Variants in TMTC4 observed in about 807,000 individuals in gnomAD.
TMTC4 encodes the protein protein O-mannosyl-transferase TMTC4.
In TMTC4, 65 loss-of-function variants were observed where a neutral mutation model predicts 86.0. The ratio of observed to expected loss-of-function variants is 0.76; its 90% CI spans 0.62 to 0.93. The LOEUF is 0.93. Ranked by LOEUF, TMTC4 falls within the 40% of genes least tolerant of loss-of-function variation. The pLI, the probability that TMTC4 is intolerant of heterozygous loss-of-function variation, is 0.00. For missense variants in TMTC4, 866 were observed against 948.1 expected (o/e 0.91, Z 1.14); for synonymous variants, 379 against 382.5 (o/e 0.99, Z 0.11).
chr13:100,649,122 T>C (rs756427314), intron 6 of TMTC4, among the ~76,000 whole-genome samples: 4 of 152,218 alleles, frequency 2.6e-5, no homozygotes, highest in African/African-American at 7.2e-5. Context: ...TCTTTATATA[T>C]ATGCAGTATA....
chr13:100,659,301 T>C (rs1885483503), intron 5 of TMTC4, among the ~76,000 whole-genome samples: 1 of 152,220 alleles, frequency 6.6e-6, no homozygotes, highest in Non-Finnish European at 1.5e-5. Context: ...AGGGTCTCAC[T>C]CTGTTTTCCA....
At chr13:100,635,445 C>A (rs1339651885) in intron 10 of TMTC4, among the ~76,000 whole-genome samples, 1 of 152,088 alleles carries the variant, frequency 6.6e-6, no homozygotes, top group African/African-American at 2.4e-5. Flanking sequence ...CCATACAATT[C>A]GTATGGAGAA....
chr13:100,651,455 A>G (rs570639520), intron 6 of TMTC4, among the ~76,000 whole-genome samples: 2 of 150,072 alleles, frequency 1.3e-5, no homozygotes, highest in South Asian at 4.2e-4. Flanking sequence ...CTTTTAAAAA[A>G]TTCTGTTGCA....
rs554619080 is a variant in TMTC4, at chr13:100,662,947, G to A, written c.552+17C>T. ...CTTCTCACGTGCATACAGATGCCTC[G>A]GGCAGACGACACTTACACACTCGGT... is the stretch of plus-strand genomic sequence containing the variant. On this transcript the variant is annotated intron_variant, in intron 5 of 18. Coordinates refer to ENST00000342624, the MANE Select transcript of TMTC4 (RefSeq NM_032813.5). The A allele has an allele frequency of 7.4e-6, 12 of 1,612,538 alleles. No homozygotes were observed. The highest frequency in any genetic ancestry group is 2.2e-5 in the South Asian group (2 of 90,838).
chr13:100,625,706 A>C (rs372144225), intron 14 of TMTC4, 30 bp from the exon 15 acceptor site: 1 of 1,611,674 alleles, frequency 6.2e-7, no homozygotes, highest in Non-Finnish European at 8.5e-7. Flanking sequence ...AAAGATAAAC[A>C]AGAAGATGAA....
chr13:100,654,955 C>T (rs1175500735), intron 6 of TMTC4, among the ~76,000 whole-genome samples: 4 of 150,274 alleles, frequency 2.7e-5, no homozygotes, highest in Non-Finnish European at 4.4e-5. Context: ...ATTATGTTAA[C>T]ATCAATAAAA....
chr13:100,647,649 T>G (rs533303994), intron 6 of TMTC4, among the ~76,000 whole-genome samples: 1 of 152,326 alleles, frequency 6.6e-6, no homozygotes, highest in South Asian at 2.1e-4. Flanking sequence ...CCCATGGACT[T>G]TGAAAAGAAA....
chr13:100,634,971 T>G lies in TMTC4; in HGVS notation c.1375-35A>C, dbSNP rs200047896. ...AGAAAGACATGGTAATTGTCACCAG[T>G]GAGATGCATCCGGTCATTCTGTTCA... is the stretch of plus-strand genomic sequence containing the variant. On this transcript the variant is annotated intron_variant, in intron 11 of 18. Transcript: ENST00000342624. 3.4e-5 allele frequency: 55 copies of G among 1,610,618 alleles called. No individual in the cohort carries two copies. In the East Asian group the frequency reaches 1.2e-3, roughly 34 times the overall value.
At chr13:100,663,296 T>A in intron 4 of TMTC4, 116 bp from the exon 5 acceptor site, 1 of 868,202 alleles carries the variant, frequency 1.2e-6, no homozygotes, top group Non-Finnish European at 1.8e-6. Context: ...CGGAAGACTT[T>A]GTGCCAGCTT....
chr13:100,660,109 T>C (rs1165896650), intron 5 of TMTC4, among the ~76,000 whole-genome samples: 1 of 151,528 alleles, frequency 6.6e-6, no homozygotes, highest in South Asian at 2.1e-4. Flanking sequence ...GGCAGGTGGA[T>C]CACTTGGGGC....
At chr13:100,625,720 C>T in intron 14 of TMTC4, 44 bp from the exon 15 acceptor site, 4 of 1,610,384 alleles carry the variant, frequency 2.5e-6, no homozygotes, top group Non-Finnish European at 3.4e-6. Context: ...AGATGAAAGG[C>T]TTAGATGCCG....
intron 15 of TMTC4, chr13:100,624,896 G>C (rs1880210390): frequency 6.6e-6 from 1 of 152,316 alleles, no homozygotes; most frequent in Non-Finnish European, 1.5e-5. Flanking sequence ...CGTGTTTAAA[G>C]AATTTTGCTA....
intron 15 of TMTC4, among the ~76,000 whole-genome samples, chr13:100,621,073 A>G (rs1879400146): frequency 6.6e-6 from 1 of 152,204 alleles, no homozygotes; most frequent in Non-Finnish European, 1.5e-5. Flanking sequence ...AACAATATAA[A>G]CCAAAAGCAG....
At chr13:100,644,067 A>G (rs1481943033) in intron 6 of TMTC4, among the ~76,000 whole-genome samples, 3 of 150,534 alleles carry the variant, frequency 2.0e-5, no homozygotes, top group Non-Finnish European at 4.4e-5. Context: ...GAAAACAGCC[A>G]GTGCGTTCTG....
At chr13:100,621,023 T>A (rs2840302) in intron 15 of TMTC4, among the ~76,000 whole-genome samples, 143,560 of 152,288 alleles carry the variant, frequency 0.94, 68,231 homozygotes, top group East Asian at 1. Context: ...GTTGGCGGAA[T>A]GGAATACAGG....
At position 100,605,068 on chromosome 13, in the gene TMTC4, T is replaced by C. The variant is rs779224960; in HGVS notation, c.2209A>G (p.Thr737Ala). The C allele has an allele frequency of 3.1e-6, 5 of 1,614,104 alleles. No homozygotes were observed. Among genetic ancestry groups the C allele is most frequent in the Non-Finnish European group, 4.2e-6 (5 of 1,180,012 alleles). The change falls in exon 19 of 19, where the codon ACG (threonine) becomes GCG (alanine). Residue 737 changes from threonine (T) to alanine (A), a missense_variant. Coordinates refer to ENST00000342624, the MANE Select transcript of TMTC4 (RefSeq NM_032813.5). The surrounding 1 kb of genome is among the most constrained non-coding windows in gnomAD (Gnocchi z 4.3). Reference sequence around the variant, plus strand: ...TAATTCTCCTTAGTTCCTGATGCCGTGGGGTCAAGCTGCAAGGAGATTTCA... The same window carrying C: ...TAATTCTCCTTAGTTCCTGATGCCGCGGGGTCAAGCTGCAAGGAGATTTCA... The part of the protein sequence containing the change: ...HYEISLQLDP[T>A]ASGTKENYGL...
chr13:100,632,053 A>ACACACACTCT (rs1296569630), intron 12 of TMTC4, among the ~76,000 whole-genome samples: 18 of 43,146 alleles, frequency 4.2e-4, no homozygotes, highest in South Asian at 1.0e-3. Flanking sequence ...ACACACACAC[A>ACACACACTCT]CTCTCTCTCT....
intron 5 of TMTC4, among the ~76,000 whole-genome samples, chr13:100,659,604 A>G (rs887826422): frequency 6.6e-6 from 1 of 152,084 alleles, no homozygotes; most frequent in Non-Finnish European, 1.5e-5. Flanking sequence ...AGAGCTGAAG[A>G]GCCACCAGCA....
In TMTC4 at chr13:100,607,906, G is replaced by C. The variant is rs534468868; in HGVS notation, c.2065-1479C>G. ...TTTCAGGGGCTGAAACTCCTTCCAA[G>C]AGGGTCAAGACTCCGGCCATATCAG... On this transcript the variant is annotated intron_variant, in intron 17 of 18. Coordinates refer to ENST00000342624, the MANE Select transcript of TMTC4 (RefSeq NM_032813.5). Among the ~76,000 whole-genome samples, 9 of 152,286 alleles carry C rather than the reference G, an allele frequency of 5.9e-5. No homozygotes were observed. In the South Asian group the frequency reaches 1.7e-3, roughly 28 times the overall value.
Sources: allele counts gnomAD v4.1 joint callset (sites outside exome capture counted in the v4.1 genomes callset), GRCh38; gene constraint gnomAD v4.1.1; non-coding constraint Gnocchi (gnomAD v3.1); transcripts MANE v1.5; gene names NCBI Gene and HGNC (gene_info 2026-07-23, HGNC 2026-07-21).